MVB12B: variants seen among roughly 807,000 people sequenced by gnomAD.
MVB12B encodes the protein ESCRT-I complex subunit MVB12B.
Under a neutral mutation model 41.6 loss-of-function variants are expected in MVB12B, and 16 were observed. That is an observed-to-expected ratio of 0.38 (90% confidence interval 0.26 to 0.58). MVB12B has a LOEUF of 0.58. Among genes scored for constraint, MVB12B ranks in the 20% least tolerant of loss-of-function variants. The probability of loss-of-function intolerance (pLI) is 0.62; values close to 1 mark genes in which losing one functional copy is unlikely to be tolerated. For missense variants in MVB12B, 274 were observed against 380.2 expected (o/e 0.72, Z 2.32); for synonymous variants, 133 against 139.7 (o/e 0.95, Z 0.34).
chr9:126,358,832 G>A (rs1215933366), intron 2 of MVB12B, among the ~76,000 whole-genome samples: 1 of 152,150 alleles, frequency 6.6e-6, no homozygotes, highest in Non-Finnish European at 1.5e-5. Context: ...ACACTATTGA[G>A]TAGAAGTAGT....
At chr9:126,461,077 G>A (rs1588190737) in intron 7 of MVB12B, among the ~76,000 whole-genome samples, 1 of 152,290 alleles carries the variant, frequency 6.6e-6, no homozygotes, top group East Asian at 1.9e-4. Flanking sequence ...CATCCAGGTG[G>A]GTGGCAGAGC....
intron 7 of MVB12B, among the ~76,000 whole-genome samples, chr9:126,437,221 T>G (rs1832504147): frequency 6.6e-6 from 1 of 152,212 alleles, no homozygotes; most frequent in South Asian, 2.1e-4. Context: ...TTTAATTTTT[T>G]TTAATAGGAA....
chr9:126,392,922 A>G lies in MVB12B; in HGVS notation c.539+727A>G, dbSNP rs1831000290. 1.3e-5 allele frequency among the ~76,000 whole-genome samples: 2 copies of G among 152,232 alleles called. No homozygotes were observed. The highest frequency in any genetic ancestry group is 2.1e-4 in the South Asian group (1 of 4,824). On this transcript the variant is annotated intron_variant, in intron 5 of 9. Coordinates refer to ENST00000361171, the MANE Select transcript of MVB12B (RefSeq NM_033446.3). This position sits in a 1 kb window ranked among gnomAD's most constrained non-coding sequence, Gnocchi z 4.8. Reference sequence around the variant, plus strand: ...GAGGGTTGGCAGGACCTCCTAGGACATGGCCTGGAGTTTATTCCAAGCACG... The same window carrying G: ...GAGGGTTGGCAGGACCTCCTAGGACGTGGCCTGGAGTTTATTCCAAGCACG...
intron 6 of MVB12B, among the ~76,000 whole-genome samples, chr9:126,400,625 G>C (rs1831241604): frequency 6.6e-6 from 1 of 152,230 alleles, no homozygotes; most frequent in African/African-American, 2.4e-5. Context: ...GGAGGGCACA[G>C]AGCAGTGGGC....
chr9:126,342,772 G>A (rs187646187), intron 2 of MVB12B, among the ~76,000 whole-genome samples: 221 of 152,284 alleles, frequency 1.5e-3, no homozygotes, highest in Non-Finnish European at 2.4e-3. Context: ...ATGGTGAGAA[G>A]AGAGACTTCT....
chr9:126,372,174 C>T (rs1042643040), intron 2 of MVB12B, among the ~76,000 whole-genome samples: 6 of 152,200 alleles, frequency 3.9e-5, no homozygotes, highest in African/African-American at 1.4e-4. Context: ...ATTTAGCAAA[C>T]TGTTTTCAGG....
At chr9:126,496,405 CTCACTCACCCACCCAT>C (rs1257234182) in intron 9 of MVB12B, among the ~76,000 whole-genome samples, 3 of 147,544 alleles carry the variant, frequency 2.0e-5, no homozygotes, top group African/African-American at 7.6e-5. Flanking sequence ...TACCCACCCA[CTCACTCACCCACCCAT>C]TCATCTACTC....
At chr9:126,366,438 C>T (rs749847500) in intron 2 of MVB12B, among the ~76,000 whole-genome samples, 6 of 152,088 alleles carry the variant, frequency 3.9e-5, no homozygotes, top group South Asian at 2.1e-4. Flanking sequence ...AAAATAAAAG[C>T]GACCTGTAAT....
intron 6 of MVB12B, among the ~76,000 whole-genome samples, chr9:126,399,801 C>T (rs1293842529): frequency 6.6e-6 from 1 of 152,208 alleles, no homozygotes; most frequent in Non-Finnish European, 1.5e-5. Context: ...CAGAGGCATG[C>T]TTATCAAATT....
chr9:126,400,837 C>T (rs1454059190), intron 6 of MVB12B, among the ~76,000 whole-genome samples: 1 of 152,230 alleles, frequency 6.6e-6, no homozygotes, highest in African/African-American at 2.4e-5. Flanking sequence ...GATGCGGACA[C>T]CGTGTCTCCG....
chr9:126,420,103 G>T (rs1418606964), intron 6 of MVB12B, among the ~76,000 whole-genome samples: 1 of 152,210 alleles, frequency 6.6e-6, no homozygotes, highest in African/African-American at 2.4e-5. Context: ...GGGTCCTGAA[G>T]CCCCGTTCCC....
At chr9:126,343,239 G>C (rs1028055686) in intron 2 of MVB12B, among the ~76,000 whole-genome samples, 1 of 152,138 alleles carries the variant, frequency 6.6e-6, no homozygotes, top group Non-Finnish European at 1.5e-5. Context: ...AAAGAGCCTC[G>C]CTTTTCTGTT....
intron 7 of MVB12B, among the ~76,000 whole-genome samples, chr9:126,472,872 G>A (rs189855473): frequency 6.6e-6 from 1 of 152,148 alleles, no homozygotes; most frequent in East Asian, 1.9e-4. Flanking sequence ...TGCTAATTGC[G>A]CCACAGAGCC....
Position 126,389,911 on chromosome 9 carries a change from C to G in MVB12B, c.410-2155C>G, listed in dbSNP as rs1420300947. On this transcript the variant is annotated intron_variant, in intron 4 of 9. Coordinates refer to ENST00000361171, the MANE Select transcript of MVB12B (RefSeq NM_033446.3). This position sits in a 1 kb window ranked among gnomAD's most constrained non-coding sequence, Gnocchi z 4.4. ...CTCTCTGCTCGTAGATCTGCTCTAG[C>G]CCTCAGTTTCTGTGCCTGAGGAACC... Among the ~76,000 whole-genome samples, 3 of 152,144 alleles carry G rather than the reference C, an allele frequency of 2.0e-5. No individual in the cohort carries two copies. Among genetic ancestry groups the G allele is most frequent in the Non-Finnish European group, 4.4e-5 (3 of 68,010 alleles).
intron 7 of MVB12B, among the ~76,000 whole-genome samples, chr9:126,454,849 G>T: frequency 6.6e-6 from 1 of 151,142 alleles, no homozygotes; most frequent in African/African-American, 2.4e-5. Context: ...TAAATGCTTT[G>T]ACACATGGTA....
At chr9:126,443,771 C>T (rs1365446905) in intron 7 of MVB12B, among the ~76,000 whole-genome samples, 1 of 152,200 alleles carries the variant, frequency 6.6e-6, no homozygotes, top group African/African-American at 2.4e-5. Flanking sequence ...GTGCACATTT[C>T]AGTGACTTTT....
At chr9:126,382,252 C>T (rs1026675061) in intron 3 of MVB12B, among the ~76,000 whole-genome samples, 30 of 152,200 alleles carry the variant, frequency 2.0e-4, no homozygotes, top group Admixed American at 1.0e-3. Context: ...TTCTGAATAT[C>T]GACCATCATG....
chr9:126,425,447 A>G (rs909279199), intron 7 of MVB12B, among the ~76,000 whole-genome samples: 2 of 152,114 alleles, frequency 1.3e-5, no homozygotes, highest in African/African-American at 4.8e-5. Flanking sequence ...TAGTAAGAAA[A>G]AATACACACC....
intron 9 of MVB12B, among the ~76,000 whole-genome samples, chr9:126,489,885 G>A (rs1040745117): frequency 6.6e-6 from 1 of 152,162 alleles, no homozygotes; most frequent in Admixed American, 6.5e-5. Flanking sequence ...CGTGGCCACC[G>A]TGGGCAGTTT....
Sources: allele counts gnomAD v4.1 joint callset (sites outside exome capture counted in the v4.1 genomes callset), GRCh38; gene constraint gnomAD v4.1.1; non-coding constraint Gnocchi (gnomAD v3.1); transcripts MANE v1.5; gene names NCBI Gene and HGNC (gene_info 2026-07-23, HGNC 2026-07-21).